The following PTPRT variants were observed in gnomAD, a reference collection of about 807,000 sequenced individuals.
PTPRT encodes receptor-type tyrosine-protein phosphatase T.
In PTPRT, 56 loss-of-function variants were observed where a neutral mutation model predicts 176.8. The ratio of observed to expected loss-of-function variants is 0.32; its 90% CI spans 0.26 to 0.40. PTPRT has a LOEUF of 0.40. Ranked by LOEUF, PTPRT falls within the 10% of genes least tolerant of loss-of-function variation. The pLI is 1.00. For synonymous variants in PTPRT, 783 were observed against 739.0 expected, an observed-to-expected ratio of 1.06 and a Z score of -0.96; for missense variants, 1,540 against 1,908.2, an observed-to-expected ratio of 0.81 and a Z score of 3.60.
intron 1 of PTPRT, among the ~76,000 whole-genome samples, chr20:43,153,349 A>T (rs1160551549): frequency 6.6e-6 from 1 of 152,254 alleles, no homozygotes. Flanking sequence ...TGAAGTGGAA[A>T]AGCCAGTGGG....
chr20:42,648,820 G>GTT (rs68036487), intron 7 of PTPRT, among the ~76,000 whole-genome samples: 9 of 111,832 alleles, frequency 8.0e-5, no homozygotes, highest in East Asian at 2.5e-4. Context: ...TGGTGTCGTT[G>GTT]TTTTTTTTTT....
chr20:43,086,999 CA>C (rs2061308610), intron 1 of PTPRT, among the ~76,000 whole-genome samples: 1 of 152,192 alleles, frequency 6.6e-6, no homozygotes, highest in African/African-American at 2.4e-5. Context: ...TGGGCACCAC[CA>C]TAATCAAGAT....
chr20:42,670,844 G>A (rs929185538), intron 7 of PTPRT, among the ~76,000 whole-genome samples: 4 of 152,170 alleles, frequency 2.6e-5, no homozygotes, highest in African/African-American at 9.7e-5. Context: ...AGTTTGGGGG[G>A]ATAAAAGAAA....
chr20:42,172,334 C>T (rs749557388), intron 16 of PTPRT, among the ~76,000 whole-genome samples: 46 of 152,136 alleles, frequency 3.0e-4, no homozygotes, highest in Non-Finnish European at 4.6e-4. Context: ...AAACCTCTGC[C>T]AAAAAATGAT....
Position 42,350,229 on chromosome 20 carries a change from T to TGTTTTG in PTPRT, c.1865+398_1865+399insCAAAAC, listed in dbSNP as rs760600952. ...GATGTTTCTTGTTTTTTTTTTTTTT[T>TGTTTTG]TTTTTTTTTTTTTTTTTGAGACAGG... On this transcript the variant is annotated intron_variant, in intron 11 of 30. Coordinates refer to ENST00000373187, the MANE Select transcript of PTPRT (RefSeq NM_007050.6). Among the ~76,000 whole-genome samples the TGTTTTG allele has an allele frequency of 8.3e-3, 801 of 96,118 alleles. 24 individuals are homozygous for TGTTTTG. The East Asian group carries it at 0.12, about 14-fold the overall frequency. 63.1% of individuals were successfully genotyped at this position (96,118 alleles called of 152,430 possible). A position where few individuals can be genotyped will look rare whatever the true frequency, so the allele number is the denominator to read the frequency against.
intron 1 of PTPRT, among the ~76,000 whole-genome samples, chr20:43,143,146 G>A (rs1428915718): frequency 6.6e-6 from 1 of 152,090 alleles, no homozygotes; most frequent in Non-Finnish European, 1.5e-5. Context: ...CAATGTTCAG[G>A]GGTGGTGATC....
chr20:42,782,253 G>A (rs568339143), intron 3 of PTPRT, among the ~76,000 whole-genome samples: 2 of 149,904 alleles, frequency 1.3e-5, no homozygotes, highest in Non-Finnish European at 1.5e-5. Context: ...CCCTTCTAAC[G>A]TGGGCCCCTG....
Position 42,085,724 on chromosome 20 carries a change from T to G in PTPRT, c.3972+4A>C. The G allele has an allele frequency of 6.2e-7, 1 of 1,613,654 alleles. No individual in the cohort carries two copies. Among genetic ancestry groups the G allele is most frequent in the Non-Finnish European group, 8.5e-7 (1 of 1,180,004 alleles). ...TCAGCAAGCAATGGCGGCCGTGTACTTACCCGGGCCATGTTACAGATGCGG... is the reference window on the plus strand; with the variant it reads ...TCAGCAAGCAATGGCGGCCGTGTACGTACCCGGGCCATGTTACAGATGCGG... On this transcript the variant is annotated splice_donor_region_variant and intron_variant, in intron 28 of 30. Coordinates refer to ENST00000373187, the MANE Select transcript of PTPRT (RefSeq NM_007050.6).
In PTPRT at chr20:42,076,104, G is replaced by A. The variant is rs548513245; in HGVS notation, c.*4775C>T. 7.2e-5 allele frequency: 15 copies of A among 207,428 alleles called. No individual in the cohort carries two copies. The South Asian group carries it at 1.5e-3, about 21-fold the overall frequency. 12.8% of individuals were successfully genotyped at this position (207,428 alleles called of 1,614,324 possible). ...ATGTTTTTCATGTATGTATGTTTTCGTTCAAACTAAAGACTGAGCTCTGTC... is the reference window on the plus strand; with the variant it reads ...ATGTTTTTCATGTATGTATGTTTTCATTCAAACTAAAGACTGAGCTCTGTC... On this transcript the variant is annotated 3_prime_UTR_variant, in exon 31 of 31. Coordinates refer to ENST00000373187, the MANE Select transcript of PTPRT (RefSeq NM_007050.6).
At chr20:42,351,507 C>T (rs953039874) in intron 10 of PTPRT, among the ~76,000 whole-genome samples, 4 of 152,076 alleles carry the variant, frequency 2.6e-5, no homozygotes, top group African/African-American at 4.8e-5. Flanking sequence ...ACATGTTTTT[C>T]TGGAAAACCA....
chr20:42,624,491 A>T (rs1205700805), intron 7 of PTPRT, among the ~76,000 whole-genome samples: 2 of 152,204 alleles, frequency 1.3e-5, no homozygotes, highest in Non-Finnish European at 2.9e-5. Context: ...AAAAAAATTA[A>T]CGATTTTTAA....
At chr20:42,474,752 T>A (rs533795447) in intron 7 of PTPRT, among the ~76,000 whole-genome samples, 3 of 152,076 alleles carry the variant, frequency 2.0e-5, no homozygotes, top group African/African-American at 7.2e-5. Flanking sequence ...CAGAGAGCAA[T>A]AAATGGCTTG....
chr20:42,527,744 T>A (rs181936614), intron 7 of PTPRT, among the ~76,000 whole-genome samples: 49 of 152,328 alleles, frequency 3.2e-4, no homozygotes, highest in Middle Eastern at 3.4e-3. Flanking sequence ...ATGTCATTTG[T>A]AATTAGGTTG....
At chr20:42,222,627 G>A (rs1164063782) in intron 15 of PTPRT, among the ~76,000 whole-genome samples, 4 of 152,216 alleles carry the variant, frequency 2.6e-5, no homozygotes, top group Non-Finnish European at 5.9e-5. Flanking sequence ...TTTGGAGAGA[G>A]AGCTTCCAGA....
intron 12 of PTPRT, among the ~76,000 whole-genome samples, chr20:42,297,474 T>C (rs928970700): frequency 6.6e-6 from 1 of 152,202 alleles, no homozygotes; most frequent in Non-Finnish European, 1.5e-5. Context: ...CTAATTAATG[T>C]ATAAATTTAA....
At chr20:42,085,922 A>G in intron 27 of PTPRT, 69 bp from the exon 28 acceptor site, 1 of 1,460,714 alleles carries the variant, frequency 6.8e-7, no homozygotes, top group Non-Finnish European at 9.3e-7. Flanking sequence ...CTCATTTATC[A>G]ACAAGCTTTT....
intron 6 of PTPRT, among the ~76,000 whole-genome samples, chr20:42,725,812 A>G (rs147349082): frequency 6.6e-6 from 1 of 152,082 alleles, no homozygotes; most frequent in African/African-American, 2.4e-5. Context: ...CAATCCCATT[A>G]CTGGGTATAT....
At chr20:42,764,308 T>C (rs913647333) in intron 5 of PTPRT, among the ~76,000 whole-genome samples, 2 of 151,948 alleles carry the variant, frequency 1.3e-5, no homozygotes, top group African/African-American at 4.8e-5. Context: ...TTAAAGAATG[T>C]GGCTAGGAAG....
At chr20:42,224,013 A>G (rs1400267854) in intron 15 of PTPRT, among the ~76,000 whole-genome samples, 1 of 152,200 alleles carries the variant, frequency 6.6e-6, no homozygotes, top group Non-Finnish European at 1.5e-5. Flanking sequence ...CTTCCACTTA[A>G]AAAACATGGG....
Sources: allele counts gnomAD v4.1 joint callset (sites outside exome capture counted in the v4.1 genomes callset), GRCh38; gene constraint gnomAD v4.1.1; transcripts MANE v1.5; gene names NCBI Gene and HGNC (gene_info 2026-07-23, HGNC 2026-07-21).